The following MINDY4B variants were observed in gnomAD, a reference collection of about 807,000 sequenced individuals.
MINDY4B encodes the protein inactive ubiquitin carboxyl-terminal hydrolase MINDY-4B.
Under a neutral mutation model 16.7 loss-of-function variants are expected in MINDY4B, and 25 were observed. That is an observed-to-expected ratio of 1.49 (90% CI 1.09 to 2.09). MINDY4B has a LOEUF of 2.09. MINDY4B is among the 30% of genes most tolerant of loss of function. MINDY4B has a pLI of 0.00. For synonymous variants in MINDY4B, 132 were observed against 61.9 expected (o/e 2.13, Z -5.32); for missense variants, 327 against 168.4 (o/e 1.94, Z -5.21).
chr3:150,894,157 T>G, intron 4 of MINDY4B, 29 bp downstream of exon 4: 1 of 669,644 alleles, frequency 1.5e-6, no homozygotes, highest in Non-Finnish European at 2.7e-6. Flanking sequence ...GGGAATAAGG[T>G]TTTTTAAAAA....
At position 150,893,696 on chromosome 3, in the gene MINDY4B, TGGGG is replaced by T. The variant is rs761403270; in HGVS notation, c.430-285_430-282del. On this transcript the variant is annotated intron_variant, in intron 4 of 11. Transcript: ENST00000465419. ...TCCCTGCTTCATAGTAGTTTTTTTT[TGGGG>T]GGGGGGGTGGGGTGCAGTCTTGCTC... is the stretch of plus-strand genomic sequence containing the variant. Among the ~76,000 whole-genome samples, 17 of 53,626 alleles carry T rather than the reference TGGGG, an allele frequency of 3.2e-4. 1 individual carries two copies. The highest frequency in any genetic ancestry group is 0.014 in the Middle Eastern group (1 of 72). 35.2% of individuals were successfully genotyped at this position (53,626 alleles called of 152,430 possible).
chr3:150,893,602 G>A (rs1466373231), intron 4 of MINDY4B, among the ~76,000 whole-genome samples, 187 bp from the exon 5 acceptor site: 1 of 150,692 alleles, frequency 6.6e-6, no homozygotes, highest in African/African-American at 2.4e-5. Flanking sequence ...GCAATGCCTA[G>A]CATCTTTGTG....
At chr3:150,879,523 C>T (rs577065582) in intron 10 of MINDY4B, among the ~76,000 whole-genome samples, 1 of 152,298 alleles carries the variant, frequency 6.6e-6, no homozygotes, top group Non-Finnish European at 1.5e-5. Context: ...CATCTATGGG[C>T]TTTAAAAACT....
chr3:150,892,555 G>A (rs1418150085), intron 5 of MINDY4B, among the ~76,000 whole-genome samples: 1 of 152,162 alleles, frequency 6.6e-6, no homozygotes, highest in Non-Finnish European at 1.5e-5. Context: ...CATGATAGGG[G>A]TTTGTTAACT....
chr3:150,890,806 G>A (rs1711779736), intron 6 of MINDY4B, 132 bp downstream of exon 6: 1 of 602,884 alleles, frequency 1.7e-6, no homozygotes, highest in East Asian at 2.8e-5. Context: ...CTTGGTACCT[G>A]CCTCTTTGGA....
intron 8 of MINDY4B, among the ~76,000 whole-genome samples, chr3:150,884,430 G>A (rs1482497913): frequency 3.9e-5 from 6 of 152,304 alleles, no homozygotes; most frequent in Admixed American, 2.6e-4. Context: ...GAGTACCGTC[G>A]TGGCATCAGA....
At chr3:150,898,842 A>G (rs1456377644) in intron 3 of MINDY4B, among the ~76,000 whole-genome samples, 1 of 152,142 alleles carries the variant, frequency 6.6e-6, no homozygotes, top group Non-Finnish European at 1.5e-5. Flanking sequence ...ATTCTTTCCA[A>G]CAGGGTTAAT....
Position 150,883,021 on chromosome 3 carries a change from G to A in MINDY4B, c.935C>T (p.Pro312Leu). 2.8e-6 allele frequency: 2 copies of A among 702,144 alleles called. No homozygotes were observed. Among genetic ancestry groups the A allele is most frequent in the East Asian group, 5.4e-5 (2 of 37,230 alleles). The allele number at this position is 702,144 out of a possible 1,614,324, so 43.5% of individuals were successfully genotyped here. A position where few individuals can be genotyped will look rare whatever the true frequency, so the allele number is the denominator to read the frequency against. Residue 312 changes from proline (P) to leucine (L), a missense_variant, in exon 10 of 12, where the codon CCC (proline) becomes CTC (leucine). Pro to Leu is a moderately conservative substitution (Grantham distance 98, BLOSUM62 -3). Transcript: ENST00000465419. ...TTCCTCACAGCCATTGAAGACATTG[G>A]GACTTGCTCTTCCAGTTAAAATCAT... ...LNMILTGRAS[P>L]NVFNGCEEGK...
At chr3:150,894,628 C>T (rs1259339141) in intron 3 of MINDY4B, among the ~76,000 whole-genome samples, 3 of 152,070 alleles carry the variant, frequency 2.0e-5, no homozygotes, top group Admixed American at 6.5e-5. Context: ...TCTCTCACTC[C>T]AGAAAAAAGG....
rs762732158 is a variant in MINDY4B at position 150,871,159 on chromosome 3, G to T, written c.1269C>A (p.Asp423Glu). The T allele has an allele frequency of 2.6e-5, 18 of 702,628 alleles. No individual in the cohort carries two copies. Among genetic ancestry groups the T allele is most frequent in the Admixed American group, 1.6e-4 (8 of 49,978 alleles). The allele number at this position is 702,628 out of a possible 1,614,324, so 43.5% of individuals were successfully genotyped here. The change falls in exon 12 of 12, where the codon GAC becomes GAA. Residue 423 changes from aspartate to glutamate, a missense_variant. Transcript: ENST00000465419. ...TTGGTCCATGTTTCTCTTCCTGTTG[G>T]TCTCTTTCCCAGTGATGGGAGTGAG... ...IDTHSHHWERDQQEEKHGPRR... is the reference protein window; with the variant it reads ...IDTHSHHWEREQQEEKHGPRR...
At chr3:150,893,499 G>A (rs928527777) in intron 4 of MINDY4B, 84 bp from the exon 5 acceptor site, 2 of 698,394 alleles carry the variant, frequency 2.9e-6, no homozygotes, top group African/African-American at 3.5e-5. Context: ...TTTCCCTCCT[G>A]GTATCCCCCA....
rs73003599 is a variant in MINDY4B at position 150,893,219 on chromosome 3, G to A, written c.521+105C>T. ...GACAGGGCCATTTCTGTCTTAGGAG[G>A]TAGATTTCCTTTCTGAGACAACCTG... On this transcript the variant is annotated intron_variant, in intron 5 of 11. Coordinates refer to ENST00000465419, the MANE Select transcript of MINDY4B (RefSeq NM_001351281.2). The A allele has an allele frequency of 0.026, 17,730 of 674,846 alleles. 2,158 individuals are homozygous for A. In the African/African-American group the frequency reaches 0.27, roughly 10 times the overall value. The allele number at this position is 674,846 out of a possible 1,614,324, so 41.8% of individuals were successfully genotyped here. A position where few individuals can be genotyped will look rare whatever the true frequency, so the allele number is the denominator to read the frequency against.
intron 7 of MINDY4B, among the ~76,000 whole-genome samples, chr3:150,885,655 C>T (rs1301039483): frequency 6.6e-6 from 1 of 152,172 alleles, no homozygotes; most frequent in Non-Finnish European, 1.5e-5. Context: ...TCTTGGCCCT[C>T]ACCTTATCTT....
At chr3:150,883,217 T>TA (rs1330198495) in intron 9 of MINDY4B, among the ~76,000 whole-genome samples, 159 bp from the exon 10 acceptor site, 5 of 152,254 alleles carry the variant, frequency 3.3e-5, no homozygotes, top group African/African-American at 1.2e-4. Context: ...TTGGTAGATT[T>TA]AAAACAATCA....
At chr3:150,878,032 C>A (rs1559964340) in intron 10 of MINDY4B, among the ~76,000 whole-genome samples, 1 of 151,968 alleles carries the variant, frequency 6.6e-6, no homozygotes, top group Admixed American at 6.6e-5. Flanking sequence ...TTGGGTAAGT[C>A]CCCATACCTT....
At chr3:150,897,589 C>T (rs1039160447) in intron 3 of MINDY4B, among the ~76,000 whole-genome samples, 13 of 152,108 alleles carry the variant, frequency 8.5e-5, no homozygotes, top group African/African-American at 2.2e-4. Flanking sequence ...AAAGGAAAGA[C>T]GTGGGAGAAG....
chr3:150,891,591 T>A (rs896346239), intron 5 of MINDY4B, among the ~76,000 whole-genome samples: 75 of 151,700 alleles, frequency 4.9e-4, no homozygotes, highest in African/African-American at 1.7e-3. Flanking sequence ...GCGAAACCCC[T>A]TCTATACTTA....
At chr3:150,874,020 TTTTTTTTTTTTTA>T (rs1474692391) in intron 10 of MINDY4B, among the ~76,000 whole-genome samples, 266 of 146,050 alleles carry the variant, frequency 1.8e-3, no homozygotes, top group African/African-American at 6.6e-3. Flanking sequence ...TTTTTTTTTT[TTTTTTTTTTTTTA>T]AAGACAGGAT....
intron 10 of MINDY4B, among the ~76,000 whole-genome samples, chr3:150,876,689 A>T (rs1711497427): frequency 6.6e-6 from 1 of 152,136 alleles, no homozygotes; most frequent in African/African-American, 2.4e-5. Flanking sequence ...GAAAACGTAA[A>T]GGGGGAAGAA....
Sources: allele counts gnomAD v4.1 joint callset (sites outside exome capture counted in the v4.1 genomes callset), GRCh38; gene constraint gnomAD v4.1.1; transcripts MANE v1.5; gene names NCBI Gene and HGNC (gene_info 2026-07-23, HGNC 2026-07-21).